LRIG1: variants seen among roughly 807,000 people sequenced by gnomAD.
LRIG1 encodes the protein leucine rich repeats and immunoglobulin like domains 1, also known as leucine-rich repeats and immunoglobulin-like domains protein 1.
In LRIG1, 48 loss-of-function variants were observed where a neutral mutation model predicts 99.2. That is an observed-to-expected ratio of 0.48 (90% CI 0.38 to 0.62). The LOEUF is 0.62. LRIG1 is among the 20% of genes least tolerant of loss of function. The pLI is 0.00. For synonymous variants in LRIG1, 772 were observed against 596.1 expected (o/e 1.29, Z -4.30); for missense variants, 1,646 against 1,434.4 (o/e 1.15, Z -2.38).
chr3:66,395,686 C>A (rs1016429882), intron 11 of LRIG1, among the ~76,000 whole-genome samples: 8 of 152,206 alleles, frequency 5.3e-5, no homozygotes, highest in Non-Finnish European at 2.9e-5. Context: ...GGAGTCACTG[C>A]AGGTGGCGGA....
intron 11 of LRIG1, among the ~76,000 whole-genome samples, chr3:66,395,581 C>A (rs756400724): frequency 1.3e-5 from 2 of 152,208 alleles, no homozygotes; most frequent in East Asian, 3.8e-4. Flanking sequence ...GATGCTGGCC[C>A]ATATTAGATC....
At chr3:66,406,249 A>G (rs987511626) in intron 8 of LRIG1, 16 of 985,278 alleles carry the variant, frequency 1.6e-5, no homozygotes, top group Non-Finnish European at 1.8e-5. Context: ...TCTCCTCTCA[A>G]TGGGTTCCTT....
In LRIG1 at chr3:66,384,107, G is replaced by A. The variant is rs138210146; in HGVS notation, c.1955C>T (p.Pro652Leu). ...AARERRMHVM[P>L]DDDVFFITDV... ...AGTGATGAAAAACACGTCGTCATCC[G>A]GCATGACATGCATGCGTCGCTCACG... Residue 652 changes from proline (P) to leucine (L), a missense_variant, in exon 14 of 19, where the codon CCG becomes CTG. Coordinates refer to ENST00000273261, the MANE Select transcript of LRIG1 (RefSeq NM_015541.3). The A allele has an allele frequency of 1.5e-5, 25 of 1,613,994 alleles. No homozygotes were observed. The highest frequency in any genetic ancestry group is 5.3e-5 in the African/African-American group (4 of 74,898).
chr3:66,407,344 G>A lies in LRIG1; in HGVS notation c.1079+4C>T, dbSNP rs532145259. ...CTTTATCCTGTCAGTAGTGGGAGAC[G>A]TACAAGACTCGCAGGCTCCTGAGTC... On this transcript the variant is annotated splice_donor_region_variant and intron_variant, in intron 8 of 18. Coordinates refer to ENST00000273261, the MANE Select transcript of LRIG1 (RefSeq NM_015541.3). 4.2e-5 allele frequency: 68 copies of A among 1,614,076 alleles called. No homozygotes were observed. In the South Asian group the frequency reaches 6.3e-4, roughly 15 times the overall value.
At chr3:66,404,067 A>C (rs1372976450) in intron 9 of LRIG1, among the ~76,000 whole-genome samples, 2 of 152,246 alleles carry the variant, frequency 1.3e-5, no homozygotes, top group Non-Finnish European at 2.9e-5. Context: ...AGAATCACTG[A>C]TAAGCATCTC....
At chr3:66,423,440 G>C (rs951387740) in intron 3 of LRIG1, among the ~76,000 whole-genome samples, 5 of 152,012 alleles carry the variant, frequency 3.3e-5, no homozygotes, top group African/African-American at 1.2e-4. Flanking sequence ...GCATGGTGGC[G>C]CATGCCTGTA....
At chr3:66,450,543 A>C (rs1703872197) in intron 3 of LRIG1, among the ~76,000 whole-genome samples, 1 of 152,124 alleles carries the variant, frequency 6.6e-6, no homozygotes, top group Non-Finnish European at 1.5e-5. Context: ...ACCCAAGACC[A>C]TGTTTCACAG....
intron 1 of LRIG1, among the ~76,000 whole-genome samples, chr3:66,478,161 T>C (rs897219635): frequency 6.6e-6 from 1 of 152,234 alleles, no homozygotes; most frequent in African/African-American, 2.4e-5. Context: ...TTTCTGCACG[T>C]TGCTACCATG....
intron 6 of LRIG1, among the ~76,000 whole-genome samples, chr3:66,410,831 C>T (rs545668833): frequency 1.3e-5 from 2 of 152,290 alleles, no homozygotes; most frequent in African/African-American, 4.8e-5. Context: ...TGAGAGAAGC[C>T]AGGTAACCTG....
chr3:66,382,525 C>G (rs1701138915), intron 15 of LRIG1, 127 bp from the exon 16 acceptor site: 1 of 1,066,108 alleles, frequency 9.4e-7, no homozygotes, highest in East Asian at 2.4e-5. Flanking sequence ...AGAGAGATGA[C>G]ATGGAGTCCA....
intron 3 of LRIG1, among the ~76,000 whole-genome samples, chr3:66,441,494 G>C (rs1703537687): frequency 6.6e-6 from 1 of 152,160 alleles, no homozygotes. Context: ...AGATAGTAGG[G>C]GGAAGGACCT....
In LRIG1 at chr3:66,423,456, A is replaced by G. The variant is rs192860734; in HGVS notation, c.366-6190T>C. Among the ~76,000 whole-genome samples, 975 of 152,296 alleles carry G rather than the reference A, an allele frequency of 6.4e-3. 12 individuals carry two copies. The highest frequency in any genetic ancestry group is 0.022 in the African/African-American group (895 of 41,556). ...CATGGTGGCGCATGCCTGTAATCCC[A>G]GCTACTCGGGAGGCTGAGGCAGGAG... On this transcript the variant is annotated intron_variant, in intron 3 of 18. Transcript: ENST00000273261.
At chr3:66,424,033 G>A (rs1403625741) in intron 3 of LRIG1, among the ~76,000 whole-genome samples, 1 of 152,118 alleles carries the variant, frequency 6.6e-6, no homozygotes, top group Admixed American at 6.6e-5. Flanking sequence ...AGCAGCTCTG[G>A]CTCCCCTCTC....
intron 2 of LRIG1, among the ~76,000 whole-genome samples, chr3:66,459,716 G>A (rs1700313989): frequency 6.6e-6 from 1 of 152,190 alleles, no homozygotes; most frequent in East Asian, 1.9e-4. Context: ...TTTGTCTGCA[G>A]GGCTGGAATT....
chr3:66,414,800 T>C, intron 5 of LRIG1, 120 bp downstream of exon 5: 2 of 1,027,556 alleles, frequency 1.9e-6, no homozygotes, highest in South Asian at 5.0e-5. Flanking sequence ...AATGGTAATT[T>C]ATGGAGAGCT....
intron 10 of LRIG1, among the ~76,000 whole-genome samples, chr3:66,398,527 T>C (rs557506027): frequency 1.3e-5 from 2 of 152,294 alleles, no homozygotes; most frequent in East Asian, 3.9e-4. Flanking sequence ...CTCGGGTGGC[T>C]CTGTTCCCTT....
chr3:66,436,732 G>A (rs1048980406), intron 3 of LRIG1, among the ~76,000 whole-genome samples: 1 of 152,174 alleles, frequency 6.6e-6, no homozygotes, highest in African/African-American at 2.4e-5. Context: ...TGCATTTAGA[G>A]ACAGGGAAGC....
At chr3:66,439,672 G>GT (rs571645990) in intron 3 of LRIG1, among the ~76,000 whole-genome samples, 257 of 152,158 alleles carry the variant, frequency 1.7e-3, no homozygotes, top group African/African-American at 5.9e-3. Context: ...TATAAAGAGA[G>GT]TTTTTTCCAC....
At chr3:66,449,370 G>A (rs147427532) in intron 3 of LRIG1, among the ~76,000 whole-genome samples, 8 of 152,254 alleles carry the variant, frequency 5.3e-5, no homozygotes, top group Admixed American at 3.3e-4. Flanking sequence ...CCCAACTTCA[G>A]GCCAAAGAGC....
Sources: gnomAD v4.1 joint callset for allele counts (sites outside exome capture counted in the v4.1 genomes callset) on GRCh38, gnomAD v4.1.1 for gene constraint, MANE v1.5 for transcripts, NCBI Gene and HGNC (gene_info 2026-07-23, HGNC 2026-07-21) for gene names.